The following ASAP2 variants were observed in gnomAD, a reference collection of about 807,000 sequenced individuals.
ASAP2 encodes the protein ArfGAP with SH3 domain, ankyrin repeat and PH domain 2, also known as arf-GAP with SH3 domain, ANK repeat and PH domain-containing protein 2.
ASAP2 carries 45 observed loss-of-function variants against 131.4 expected under a neutral mutation model. The ratio of observed to expected loss-of-function variants is 0.34; its 90% CI spans 0.27 to 0.44. The LOEUF is 0.44. Ranked by LOEUF, ASAP2 falls within the 20% of genes least tolerant of loss-of-function variation. ASAP2 has a pLI of 1.00. For missense variants in ASAP2, 1,011 were observed against 1,297.0 expected, an observed-to-expected ratio of 0.78 and a Z score of 3.39; for synonymous variants, 510 against 503.0, an observed-to-expected ratio of 1.01 and a Z score of -0.19.
chr2:9,289,883 G>C (rs1265795410), intron 2 of ASAP2, among the ~76,000 whole-genome samples: 1 of 152,162 alleles, frequency 6.6e-6, no homozygotes, highest in African/African-American at 2.4e-5. Context: ...TGTTTCTTGA[G>C]GAATCACATT....
intron 1 of ASAP2, among the ~76,000 whole-genome samples, chr2:9,242,640 C>T (rs528957202): frequency 6.6e-5 from 10 of 152,212 alleles, no homozygotes; most frequent in Admixed American, 4.6e-4. Context: ...TTCAAAGGAA[C>T]GCAGTCCAGA....
chr2:9,208,148 A>G (rs1468810552), intron 1 of ASAP2, among the ~76,000 whole-genome samples: 1 of 152,158 alleles, frequency 6.6e-6, no homozygotes, highest in Non-Finnish European at 1.5e-5. Flanking sequence ...GGGATTAGTA[A>G]TGCATCCTTT....
At position 9,311,649 on chromosome 2, in the gene ASAP2, C is replaced by T. The variant is rs1462851080; in HGVS notation, c.346-6875C>T. On this transcript the variant is annotated intron_variant, in intron 3 of 27. Coordinates refer to ENST00000281419, the MANE Select transcript of ASAP2 (RefSeq NM_003887.3). The surrounding 1 kb of genome is among the most constrained non-coding windows in gnomAD (Gnocchi z 5.2). Reference sequence around the variant, plus strand: ...TGCCTGAGCACAAGGGATATGTAATCATCTTCTGGCTGTGGTTTCCGTCCC... The same window carrying T: ...TGCCTGAGCACAAGGGATATGTAATTATCTTCTGGCTGTGGTTTCCGTCCC... 6.6e-6 allele frequency among the ~76,000 whole-genome samples: 1 copy of T among 152,196 alleles called. No homozygotes were observed. The highest frequency in any genetic ancestry group is 2.4e-5 in the African/African-American group (1 of 41,458).
chr2:9,291,359 C>T (rs550648887), intron 2 of ASAP2, among the ~76,000 whole-genome samples: 1 of 152,204 alleles, frequency 6.6e-6, no homozygotes, highest in Non-Finnish European at 1.5e-5. Flanking sequence ...ATGGTTCTCT[C>T]TCACGAGATG....
chr2:9,289,324 C>G (rs1194762504), intron 2 of ASAP2, among the ~76,000 whole-genome samples: 5 of 152,144 alleles, frequency 3.3e-5, no homozygotes, highest in Non-Finnish European at 5.9e-5. Flanking sequence ...CTGAGTCTTT[C>G]TCACTTATTG....
chr2:9,307,569 C>T (rs993179738), intron 3 of ASAP2, among the ~76,000 whole-genome samples: 1 of 152,202 alleles, frequency 6.6e-6, no homozygotes, highest in African/African-American at 2.4e-5. Context: ...CAGCTGGTGT[C>T]AGTGTGGTTG....
chr2:9,369,448 C>T (rs977267676), intron 16 of ASAP2, among the ~76,000 whole-genome samples: 10 of 152,146 alleles, frequency 6.6e-5, no homozygotes, highest in Non-Finnish European at 2.9e-5. Context: ...CCCATGGGTT[C>T]GGGCAGTGGG....
chr2:9,367,539 T>C (rs1461401331), intron 15 of ASAP2, among the ~76,000 whole-genome samples: 1 of 152,046 alleles, frequency 6.6e-6, no homozygotes, highest in Admixed American at 6.6e-5. Context: ...GGTGGCCGGA[T>C]TGCATGAGCC....
rs1352929091 is a variant in ASAP2 at position 9,281,601 on chromosome 2, A to T, written c.199+2212A>T. Among the ~76,000 whole-genome samples the T allele has an allele frequency of 6.6e-6, 1 of 152,102 alleles. No individual in the cohort carries two copies. The highest frequency in any genetic ancestry group is 1.9e-4 in the East Asian group (1 of 5,202). On this transcript the variant is annotated intron_variant, in intron 2 of 27. Transcript: ENST00000281419. This position sits in a 1 kb window ranked among gnomAD's most constrained non-coding sequence, Gnocchi z 4.0. ...GCCTAAAACTCTATAGCATTTTTTC[A>T]TCACCCTCTTTGAAGTTCGTGGAAG...
chr2:9,227,018 G>A (rs1662818936), intron 1 of ASAP2, among the ~76,000 whole-genome samples: 1 of 152,174 alleles, frequency 6.6e-6, no homozygotes, highest in Non-Finnish European at 1.5e-5. Flanking sequence ...CAGTCCAGGT[G>A]TTCGGGTCCT....
In ASAP2 at chr2:9,356,321, G is replaced by A. The variant is rs763213826; in HGVS notation, c.1303G>A (p.Val435Ile). 70 of 1,605,694 alleles carry A rather than the reference G, an allele frequency of 4.4e-5. 1 individual carries two copies. The South Asian group carries it at 5.3e-4, about 12-fold the overall frequency. Reference sequence around the variant, plus strand: ...AGTGCAGAGGATGACGGGCAATGACGTCTGCTGTGACTGTGGGGCGCCAGG... The same window carrying A: ...AGTGCAGAGGATGACGGGCAATGACATCTGCTGTGACTGTGGGGCGCCAGG... ...SEVQRMTGND[V>I]CCDCGAPDPT... Residue 435 changes from valine (V) to isoleucine (I), a missense_variant, in exon 14 of 28, where the codon GTC (valine) becomes ATC (isoleucine). Physicochemically the swap from Val to Ile is conservative, Grantham distance 29. This residue lies in a region of ASAP2 where 359 missense variants were observed against 598.1 expected (regional missense o/e 0.60). Transcript: ENST00000281419.
intron 1 of ASAP2, among the ~76,000 whole-genome samples, chr2:9,242,089 G>C (rs1168852685): frequency 6.6e-6 from 1 of 152,168 alleles, no homozygotes; most frequent in Non-Finnish European, 1.5e-5. Context: ...TACCTCACAG[G>C]CGTTCGTTGT....
At chr2:9,305,471 AGTGG>A (rs138052116) in intron 3 of ASAP2, among the ~76,000 whole-genome samples, 2,370 of 91,464 alleles carry the variant, frequency 0.026, 772 homozygotes, top group Non-Finnish European at 0.042. Context: ...AGGCTGTAGT[AGTGG>A]GGTATAGATA....
chr2:9,274,467 C>T (rs1166987626), intron 1 of ASAP2, among the ~76,000 whole-genome samples: 2 of 151,876 alleles, frequency 1.3e-5, no homozygotes, highest in Admixed American at 6.6e-5. Context: ...GGATTATGGG[C>T]ATGCACCACC....
chr2:9,319,916 T>G (rs1177256941), intron 4 of ASAP2, among the ~76,000 whole-genome samples: 1 of 152,204 alleles, frequency 6.6e-6, no homozygotes, highest in Non-Finnish European at 1.5e-5. Flanking sequence ...AGAGTTCCTT[T>G]CTTTTAGAGA....
Position 9,358,868 on chromosome 2 carries a change from A to G in ASAP2, c.1440A>G (p.Val480=), listed in dbSNP as rs1427749042. 1.9e-6 allele frequency: 3 copies of G among 1,611,186 alleles called. No individual in the cohort carries two copies. The highest frequency in any genetic ancestry group is 2.2e-5 in the South Asian group (2 of 90,742). ...YSRMQSLTLD[V]LGTSELLLAK... ...GGATGCAGTCCCTGACCTTAGATGT[A>G]CTGGGAACATCTGAGCTGCTGGTAA... The change falls in exon 15 of 28, where the codon GTA becomes GTG. Residue 480 remains valine (V), a synonymous_variant. Coordinates refer to ENST00000281419, the MANE Select transcript of ASAP2 (RefSeq NM_003887.3).
intron 1 of ASAP2, among the ~76,000 whole-genome samples, chr2:9,264,207 T>C (rs12998022): frequency 7.8e-6 from 1 of 127,526 alleles, no homozygotes; most frequent in African/African-American, 3.0e-5. Context: ...ATAATAATAA[T>C]AATAATAATA....
At chr2:9,272,480 T>C (rs1362437436) in intron 1 of ASAP2, among the ~76,000 whole-genome samples, 2 of 152,268 alleles carry the variant, frequency 1.3e-5, no homozygotes, top group Non-Finnish European at 2.9e-5. Context: ...ATGGATAGTT[T>C]GCAAATATTT....
chr2:9,400,193 C>T, intron 25 of ASAP2, 121 bp downstream of exon 25: 1 of 1,040,406 alleles, frequency 9.6e-7, no homozygotes, highest in Non-Finnish European at 1.4e-6. Flanking sequence ...TTCCACAGCC[C>T]TCCTGCCCCC....
Sources: allele counts gnomAD v4.1 joint callset (sites outside exome capture counted in the v4.1 genomes callset), GRCh38; gene constraint gnomAD v4.1.1; regional missense constraint gnomAD v4.1.1; non-coding constraint Gnocchi (gnomAD v3.1); transcripts MANE v1.5; gene names NCBI Gene and HGNC (gene_info 2026-07-23, HGNC 2026-07-21).